PTPN4: variants seen among roughly 807,000 people sequenced by gnomAD.
The protein encoded by PTPN4 is protein tyrosine phosphatase non-receptor type 4, also known as tyrosine-protein phosphatase non-receptor type 4.
Under a neutral mutation model 135.5 loss-of-function variants are expected in PTPN4, and 49 were observed. The ratio of observed to expected loss-of-function variants is 0.36; its 90% CI spans 0.29 to 0.46. The LOEUF (loss-of-function observed/expected upper bound fraction) is 0.46. Among genes scored for constraint, PTPN4 ranks in the 20% least tolerant of loss-of-function variants. The probability of loss-of-function intolerance (pLI) is 1.00; values close to 1 mark genes in which losing one functional copy is unlikely to be tolerated. For synonymous variants in PTPN4, 333 were observed against 369.9 expected (o/e 0.90, Z 1.14); for missense variants, 860 against 1,101.0 (o/e 0.78, Z 3.10).
chr2:119,806,810 T>C (rs1471798925), intron 1 of PTPN4, among the ~76,000 whole-genome samples: 1 of 152,050 alleles, frequency 6.6e-6, no homozygotes, highest in Non-Finnish European at 1.5e-5. Flanking sequence ...ACATCCAAAA[T>C]TGACCACATA....
intron 3 of PTPN4, among the ~76,000 whole-genome samples, chr2:119,869,263 G>A: frequency 6.6e-6 from 1 of 152,192 alleles, no homozygotes; most frequent in East Asian, 1.9e-4. Flanking sequence ...AGAAGCACAG[G>A]AAACACTTTA....
At chr2:119,926,555 GTTCTC>G (rs1272358715) in intron 12 of PTPN4, 38 bp from the exon 13 acceptor site, 3 of 1,352,214 alleles carry the variant, frequency 2.2e-6, no homozygotes, top group Non-Finnish European at 3.1e-6. Flanking sequence ...TTATCTTATA[GTTCTC>G]TTAAGACTTT....
At chr2:119,912,383 T>G (rs1296517826) in intron 10 of PTPN4, among the ~76,000 whole-genome samples, 1 of 152,208 alleles carries the variant, frequency 6.6e-6, no homozygotes, top group Admixed American at 6.5e-5. Context: ...TAAGTACACA[T>G]GTATGTCACA....
chr2:119,978,686 G>A lies in PTPN4; in HGVS notation c.*1616G>A, dbSNP rs1446486813. On this transcript the variant is annotated 3_prime_UTR_variant, in exon 27 of 27. Transcript: ENST00000263708. ...ATGTTATTTTACACAATTATTTTAT[G>A]TGGATTGGGGTTTTAAAAGATTCAT... 1 of 152,046 alleles carries A rather than the reference G, an allele frequency of 6.6e-6. No homozygotes were observed. Among genetic ancestry groups the A allele is most frequent in the Admixed American group, 6.6e-5 (1 of 15,260 alleles). The allele number at this position is 152,046 out of a possible 1,614,324, so 9.4% of individuals were successfully genotyped here.
chr2:119,786,391 CA>C (rs1314927484), intron 1 of PTPN4, among the ~76,000 whole-genome samples: 1 of 152,118 alleles, frequency 6.6e-6, no homozygotes, highest in African/African-American at 2.4e-5. Flanking sequence ...AAAACAATAA[CA>C]GTAATTAATT....
At chr2:119,892,600 A>G (rs926747167) in intron 9 of PTPN4, among the ~76,000 whole-genome samples, 2 of 152,234 alleles carry the variant, frequency 1.3e-5, no homozygotes, top group Admixed American at 6.5e-5. Context: ...AATAGTGTAT[A>G]TAGCAGTTCA....
At chr2:119,773,298 C>T (rs1311575289) in intron 1 of PTPN4, among the ~76,000 whole-genome samples, 1 of 151,924 alleles carries the variant, frequency 6.6e-6, no homozygotes, top group African/African-American at 2.4e-5. Flanking sequence ...GATGTTTGAA[C>T]AACATGGATT....
intron 2 of PTPN4, among the ~76,000 whole-genome samples, chr2:119,851,388 A>G (rs1261121255): frequency 2.6e-5 from 4 of 152,200 alleles, no homozygotes; most frequent in African/African-American, 9.7e-5. Flanking sequence ...GAAAGAAAGG[A>G]AAGTGCACTT....
At chr2:119,848,320 CCCA>C (rs1677538109) in intron 2 of PTPN4, among the ~76,000 whole-genome samples, 1 of 151,772 alleles carries the variant, frequency 6.6e-6, no homozygotes, top group Non-Finnish European at 1.5e-5. Flanking sequence ...ACTACAGGCG[CCCA>C]CCACCATGCC....
chr2:119,938,395 G>A (rs1679016231), intron 15 of PTPN4, among the ~76,000 whole-genome samples: 1 of 151,966 alleles, frequency 6.6e-6, no homozygotes, highest in South Asian at 2.1e-4. Context: ...CCAAAGTGCT[G>A]GGATTACAGG....
chr2:119,922,548 T>C (rs545699273), intron 12 of PTPN4, among the ~76,000 whole-genome samples: 1 of 152,328 alleles, frequency 6.6e-6, no homozygotes, highest in East Asian at 1.9e-4. Flanking sequence ...TTAGCCATGA[T>C]ATCCTTTATA....
chr2:119,768,946 C>T (rs940548071), intron 1 of PTPN4, among the ~76,000 whole-genome samples: 8 of 152,190 alleles, frequency 5.3e-5, no homozygotes, highest in Non-Finnish European at 1.0e-4. Context: ...CATTCAGATT[C>T]GTCTGATACT....
At chr2:119,845,765 G>A (rs921021876) in intron 2 of PTPN4, among the ~76,000 whole-genome samples, 1 of 151,866 alleles carries the variant, frequency 6.6e-6, no homozygotes, top group Non-Finnish European at 1.5e-5. Context: ...GTTTAGATTT[G>A]TATAGTGTCT....
At chr2:119,954,015 G>C (rs1244564601) in intron 19 of PTPN4, among the ~76,000 whole-genome samples, 2 of 152,030 alleles carry the variant, frequency 1.3e-5, no homozygotes, top group African/African-American at 4.8e-5. Context: ...TTTTCAGTGT[G>C]GGTCTGTCTT....
chr2:119,888,770 G>A (rs1474908066), intron 9 of PTPN4, among the ~76,000 whole-genome samples: 2 of 152,084 alleles, frequency 1.3e-5, no homozygotes, highest in Non-Finnish European at 2.9e-5. Context: ...GTTCACTAGG[G>A]ATATTGGCCT....
intron 2 of PTPN4, among the ~76,000 whole-genome samples, chr2:119,838,141 C>T (rs1007113049): frequency 1.3e-5 from 2 of 152,060 alleles, no homozygotes; most frequent in African/African-American, 4.8e-5. Context: ...TTTTAAAATA[C>T]TTTTTTTTCC....
rs1000180870 is a variant in PTPN4, at chr2:119,944,228, G to T, written c.1356-853G>T. On this transcript the variant is annotated intron_variant, in intron 15 of 26. Coordinates refer to ENST00000263708, the MANE Select transcript of PTPN4 (RefSeq NM_002830.4). The stretch of plus-strand genomic sequence containing the variant: ...AGTAATTCTTTTATCAGATAATAAC[G>T]CCAATAGTGGTCAGTGTTCTTATCA... 2.6e-5 allele frequency among the ~76,000 whole-genome samples: 4 copies of T among 151,994 alleles called. No homozygotes were observed. The East Asian group carries it at 5.8e-4, about 22-fold the overall frequency.
chr2:119,901,102 G>A (rs1024054217), intron 10 of PTPN4, among the ~76,000 whole-genome samples: 2 of 152,204 alleles, frequency 1.3e-5, no homozygotes, highest in Admixed American at 6.5e-5. Context: ...TGTTTTACCA[G>A]CATCTAACCA....
At chr2:119,802,207 T>A (rs559522438) in intron 1 of PTPN4, among the ~76,000 whole-genome samples, 1 of 152,304 alleles carries the variant, frequency 6.6e-6, no homozygotes, top group Non-Finnish European at 1.5e-5. Flanking sequence ...CTCCTCCTTT[T>A]TTTAACCTCA....
Sources: gnomAD v4.1 joint callset for allele counts (sites outside exome capture counted in the v4.1 genomes callset) on GRCh38, gnomAD v4.1.1 for gene constraint, MANE v1.5 for transcripts, NCBI Gene and HGNC (gene_info 2026-07-23, HGNC 2026-07-21) for gene names.